CHST10: variants seen among roughly 807,000 people sequenced by gnomAD.
CHST10 encodes the protein HNK-1 sulfotransferase.
Under a neutral mutation model 34.7 loss-of-function variants are expected in CHST10, and 24 were observed. That is an observed-to-expected ratio of 0.69 (90% CI 0.50 to 0.97). The LOEUF (loss-of-function observed/expected upper bound fraction) is 0.97. Ranked by LOEUF, CHST10 falls within the 50% of genes least tolerant of loss-of-function variation. CHST10 has a pLI of 0.00. For synonymous variants in CHST10, 161 were observed against 169.3 expected (o/e 0.95, Z 0.38); for missense variants, 402 against 452.1 (o/e 0.89, Z 1.00).
intron 2 of CHST10, among the ~76,000 whole-genome samples, chr2:100,411,724 T>A (rs1481835096): frequency 2.6e-5 from 4 of 152,206 alleles, no homozygotes; most frequent in African/African-American, 9.6e-5. Context: ...CACACACAGT[T>A]CTTGTCCTTA....
chr2:100,410,950 C>T (rs1573199009), intron 2 of CHST10, among the ~76,000 whole-genome samples: 2 of 151,836 alleles, frequency 1.3e-5, no homozygotes, highest in South Asian at 4.2e-4. Flanking sequence ...ATGTATGATC[C>T]CATTTGTTAA....
intron 4 of CHST10, among the ~76,000 whole-genome samples, chr2:100,399,629 C>T (rs576231574): frequency 4.6e-5 from 7 of 152,266 alleles, no homozygotes; most frequent in African/African-American, 1.7e-4. Flanking sequence ...ACACTAGAAC[C>T]GGGACGCTGG....
chr2:100,395,743 T>C, intron 5 of CHST10, 129 bp from the exon 6 acceptor site: 1 of 578,440 alleles, frequency 1.7e-6, no homozygotes, highest in South Asian at 2.6e-5. Context: ...CCACCCCCAA[T>C]ATCCAAGTTT....
chr2:100,411,312 A>G (rs1399552821), intron 2 of CHST10, among the ~76,000 whole-genome samples: 1 of 152,038 alleles, frequency 6.6e-6, no homozygotes, highest in Non-Finnish European at 1.5e-5. Context: ...GGGTTTCACC[A>G]TGTTGGCCAG....
intron 3 of CHST10, among the ~76,000 whole-genome samples, chr2:100,404,081 C>A (rs1050623894): frequency 6.6e-6 from 1 of 152,248 alleles, no homozygotes; most frequent in Non-Finnish European, 1.5e-5. Flanking sequence ...CATCCTGCAT[C>A]CAGAACTCAG....
Position 100,393,503 on chromosome 2 carries a change from A to G in CHST10, c.813T>C (p.Ala271=). 3 of 1,614,080 alleles carry G rather than the reference A, an allele frequency of 1.9e-6. No homozygotes were observed. Among genetic ancestry groups the G allele is most frequent in the Non-Finnish European group, 2.5e-6 (3 of 1,180,030 alleles). ...TCACACTGTACATTATCTCACAGGG[A>G]GCACAGAGCTCTACATACGTCACCC... is the stretch of plus-strand genomic sequence containing the variant. ...IHWVTYVELC[A]PCEIMYSVIG... is the part of the protein sequence containing the mutation. The change falls in exon 7 of 7, where the codon GCT becomes GCC. Residue 271 remains alanine, a synonymous_variant. Coordinates refer to ENST00000264249, the MANE Select transcript of CHST10 (RefSeq NM_004854.5).
rs753355704 is a variant in CHST10 at position 100,393,412 on chromosome 2, G to C, written c.904C>G (p.Leu302Val). 3.1e-6 allele frequency: 5 copies of C among 1,614,124 alleles called. No homozygotes were observed. The South Asian group carries it at 4.4e-5, about 14-fold the overall frequency. Reference protein sequence around the residue: ...YILKEAGIDHLVSYPTIPPGI... With the variant: ...YILKEAGIDHVVSYPTIPPGI... ...GGAGGGATAGTCGGGTATGACACCA[G>C]GTGGTCAATGCCAGCCTCTTTTAAG... The change falls in exon 7 of 7, where the codon CTG becomes GTG. Residue 302 changes from leucine (L) to valine (V), a missense_variant. Transcript: ENST00000264249.
At chr2:100,413,675 C>T (rs193272033) in intron 2 of CHST10, among the ~76,000 whole-genome samples, 30 of 152,286 alleles carry the variant, frequency 2.0e-4, no homozygotes, top group African/African-American at 7.0e-4. Context: ...GAAAAGGAAA[C>T]TTGTAAATTC....
At position 100,397,456 on chromosome 2, in the gene CHST10, G is replaced by A. The variant is rs184343640; in HGVS notation, c.427+452C>T. Among the ~76,000 whole-genome samples the A allele has an allele frequency of 5.3e-5, 8 of 152,288 alleles. No individual in the cohort carries two copies. The East Asian group carries it at 5.8e-4, about 11-fold the overall frequency. On this transcript the variant is annotated intron_variant, in intron 5 of 6. Coordinates refer to ENST00000264249, the MANE Select transcript of CHST10 (RefSeq NM_004854.5). ...TGCAGGTAAAGAGGCTCCAGGCCCC[G>A]GGCCAGGGCTCCCCTCCCAGGCTCT...
intron 2 of CHST10, among the ~76,000 whole-genome samples, chr2:100,412,936 AT>A (rs908590263): frequency 2.9e-4 from 44 of 151,208 alleles, no homozygotes; most frequent in Admixed American, 1.1e-3. Flanking sequence ...ACTCTGCCCC[AT>A]TTTTTTTTAA....
chr2:100,417,290 G>C, intron 1 of CHST10, 84 bp downstream of exon 1: 1 of 347,014 alleles, frequency 2.9e-6, no homozygotes, highest in South Asian at 2.2e-5. Flanking sequence ...AAACCCGCGG[G>C]TTCCCCGGTT....
rs1318236312 is a variant in CHST10, at chr2:100,397,951, T to C, written c.384A>G (p.Lys128=). Residue 128 remains lysine (K), a synonymous_variant, in exon 5 of 7, where the codon AAA becomes AAG. Transcript: ENST00000264249. ...KHKILFCQTP[K]VGNTQWKKVL... ...CTTTCTTCCACTGGGTGTTGCCCAC[T>C]TTGGGAGTCTGGCAGAAAAGAATCT... is the stretch of plus-strand genomic sequence containing the variant. The C allele has an allele frequency of 1.9e-6, 3 of 1,614,014 alleles. No homozygotes were observed. In the Admixed American group the frequency reaches 5.0e-5, roughly 27 times the overall value.
intron 5 of CHST10, 61 bp from the exon 6 acceptor site, chr2:100,395,675 C>A (rs1675025508): frequency 3.0e-6 from 4 of 1,333,524 alleles, no homozygotes; most frequent in South Asian, 1.2e-5. Flanking sequence ...TAGAGAAGGG[C>A]ATGTCCTTAC....
chr2:100,397,772 A>C, intron 5 of CHST10, 136 bp downstream of exon 5: 1 of 662,224 alleles, frequency 1.5e-6, no homozygotes, highest in South Asian at 2.0e-5. Context: ...CAACAAAAAC[A>C]GGCCTGTCTG....
At position 100,393,352 on chromosome 2, in the gene CHST10, G is replaced by T; in HGVS notation, c.964C>A (p.His322Asn). Residue 322 changes from histidine to asparagine, a missense_variant, in exon 7 of 7, where the codon CAC (histidine) becomes AAC (asparagine). Physicochemically the swap from His to Asn is moderately conservative, Grantham distance 68. Transcript: ENST00000264249. Reference protein sequence around the residue: ...ITVYNRTKVEHYFLGISKRDI... With the variant: ...ITVYNRTKVENYFLGISKRDI... Reference sequence around the variant, plus strand: ...CGTTTGCTGATGCCCAGGAAATAGTGCTCCACCTTGGTTCTGTTATACACG... The same window carrying T: ...CGTTTGCTGATGCCCAGGAAATAGTTCTCCACCTTGGTTCTGTTATACACG... The T allele has an allele frequency of 6.2e-7, 1 of 1,614,162 alleles. No individual in the cohort carries two copies.
intron 2 of CHST10, among the ~76,000 whole-genome samples, chr2:100,411,762 C>G (rs767551684): frequency 2.6e-5 from 4 of 152,102 alleles, no homozygotes; most frequent in South Asian, 4.1e-4. Flanking sequence ...CAGGCCCACA[C>G]GAAGGAAAGA....
At chr2:100,395,446 T>G in intron 6 of CHST10, 63 bp downstream of exon 6, 1 of 1,440,320 alleles carries the variant, frequency 6.9e-7, no homozygotes, top group Admixed American at 1.7e-5. Flanking sequence ...CCTGGGGTTT[T>G]CCCCAAATTT....
intron 2 of CHST10, among the ~76,000 whole-genome samples, chr2:100,411,141 G>A (rs1675818088): frequency 7.3e-6 from 1 of 136,290 alleles, no homozygotes; most frequent in African/African-American, 2.9e-5. Flanking sequence ...TTTTGAGGCA[G>A]TGTGTCTCTC....
chr2:100,393,730 T>G lies in CHST10; in HGVS notation c.586A>C (p.Ile196Leu). The change falls in exon 7 of 7, where the codon ATT becomes CTT. Residue 196 changes from isoleucine (I) to leucine (L), a missense_variant. Ile to Leu is a conservative substitution (Grantham distance 5, BLOSUM62 2). Coordinates refer to ENST00000264249, the MANE Select transcript of CHST10 (RefSeq NM_004854.5). The stretch of plus-strand genomic sequence containing the variant: ...ACAAATTTATCCTTAAATGCAGAAA[T>G]AAGTCTTTCGAAGGGATCTCTTACA... ...FIVRDPFERL[I>L]SAFKDKFVHN... is the part of the protein sequence containing the mutation. 6.2e-7 allele frequency: 1 copy of G among 1,613,540 alleles called. No individual in the cohort carries two copies. The highest frequency in any genetic ancestry group is 8.5e-7 in the Non-Finnish European group (1 of 1,179,982).
Sources: gnomAD v4.1 joint callset for allele counts (sites outside exome capture counted in the v4.1 genomes callset) on GRCh38, gnomAD v4.1.1 for gene constraint, MANE v1.5 for transcripts, NCBI Gene and HGNC (gene_info 2026-07-23, HGNC 2026-07-21) for gene names.